KMT5B: variants seen among roughly 807,000 people sequenced by gnomAD.
The protein encoded by KMT5B is histone-lysine N-methyltransferase KMT5B.
A neutral mutation model predicts 83.2 loss-of-function variants in KMT5B; 10 were observed. The observed-to-expected ratio is 0.12, with a 90% CI of 0.07 to 0.20. The LOEUF (loss-of-function observed/expected upper bound fraction) is 0.20. Ranked by LOEUF, KMT5B falls within the 10% of genes least tolerant of loss-of-function variation. KMT5B has a pLI of 1.00. For missense variants in KMT5B, 753 were observed against 1,067.2 expected (o/e 0.71, Z 4.10); for synonymous variants, 349 against 388.8 (o/e 0.90, Z 1.20).
At chr11:68,206,976 C>T (rs1325403625) in intron 1 of KMT5B, among the ~76,000 whole-genome samples, 1 of 152,102 alleles carries the variant, frequency 6.6e-6, no homozygotes, top group Non-Finnish European at 1.5e-5. Flanking sequence ...GGCACAGTGG[C>T]TCACGTCTGT....
Position 68,158,507 on chromosome 11 carries a change from C to A in KMT5B, c.1839G>T (p.Lys613Asn), listed in dbSNP as rs773367069. 3 of 1,613,964 alleles carry A rather than the reference C, an allele frequency of 1.9e-6. No individual in the cohort carries two copies. ...HKSDTGMSKK[K>N]SRQGKLVKQF... ...GTTTCACAAGTTTTCCTTGTCGTGA[C>A]TTCTTTTTGGACATGCCTGTGTCAC... The change falls in exon 11 of 11, where the codon AAG becomes AAT. Residue 613 changes from lysine to asparagine, a missense_variant. By Grantham distance (94) the Lys-to-Asn change is moderately conservative. Coordinates refer to ENST00000304363, the MANE Select transcript of KMT5B (RefSeq NM_017635.5).
chr11:68,165,830 T>G, intron 10 of KMT5B: 1 of 1,610,922 alleles, frequency 6.2e-7, no homozygotes, highest in South Asian at 1.1e-5. Flanking sequence ...GCTACAGCGC[T>G]GCTTTTATGC....
chr11:68,205,054 A>G (rs1394554986), intron 1 of KMT5B, among the ~76,000 whole-genome samples: 1 of 152,198 alleles, frequency 6.6e-6, no homozygotes, highest in African/African-American at 2.4e-5. Flanking sequence ...CCAACATGTC[A>G]CAGGAAAAAA....
At chr11:68,177,114 C>T (rs567552382) in intron 4 of KMT5B, among the ~76,000 whole-genome samples, 1 of 152,120 alleles carries the variant, frequency 6.6e-6, no homozygotes, top group African/African-American at 2.4e-5. Context: ...ATATGAAGTG[C>T]TATGGTGAAA....
chr11:68,209,264 C>T (rs1256394007), intron 1 of KMT5B, among the ~76,000 whole-genome samples: 1 of 152,152 alleles, frequency 6.6e-6, no homozygotes, highest in Non-Finnish European at 1.5e-5. Flanking sequence ...GTTCAACAAA[C>T]TTATGAAGAA....
intron 4 of KMT5B, among the ~76,000 whole-genome samples, chr11:68,177,236 A>G (rs1856472030): frequency 6.6e-6 from 1 of 152,268 alleles, no homozygotes; most frequent in Admixed American, 6.5e-5. Context: ...AATGCATGTT[A>G]ATATGCTAAA....
chr11:68,167,884 A>G (rs900139989), intron 9 of KMT5B, among the ~76,000 whole-genome samples: 1 of 152,252 alleles, frequency 6.6e-6, no homozygotes, highest in South Asian at 2.1e-4. Context: ...AAATTTTACC[A>G]AAGTGGGCCA....
Position 68,155,710 on chromosome 11 carries a change from G to A in KMT5B, c.*1978C>T, listed in dbSNP as rs1177837015. ...CTATGCAGGGACCCCATGAGGGCTG[G>A]ACGTGCTCTGCAAAGTGCTCCGGGT... On this transcript the variant is annotated 3_prime_UTR_variant, in exon 11 of 11. Transcript: ENST00000304363. 6.6e-6 allele frequency: 1 copy of A among 152,242 alleles called. No individual in the cohort carries two copies. Among genetic ancestry groups the A allele is most frequent in the Non-Finnish European group, 1.5e-5 (1 of 68,114 alleles). The allele number at this position is 152,242 out of a possible 1,614,324, so 9.4% of individuals were successfully genotyped here.
chr11:68,202,555 T>TG (rs890101162), intron 1 of KMT5B, among the ~76,000 whole-genome samples: 3 of 150,300 alleles, frequency 2.0e-5, no homozygotes, highest in African/African-American at 7.4e-5. Context: ...ACTTTTTTTT[T>TG]TTTTTTTTTT....
At chr11:68,191,173 TTGTGTGTGTGTG>T (rs71040600) in intron 1 of KMT5B, among the ~76,000 whole-genome samples, 9 of 139,274 alleles carry the variant, frequency 6.5e-5, no homozygotes, top group Admixed American at 1.5e-4. Context: ...TTTTAAAACT[TTGTGTGTGTGTG>T]TGTGTGTGTG....
At chr11:68,189,311 C>T (rs1291099753) in intron 2 of KMT5B, among the ~76,000 whole-genome samples, 1 of 152,236 alleles carries the variant, frequency 6.6e-6, no homozygotes, top group African/African-American at 2.4e-5. Flanking sequence ...ACCAAATCTA[C>T]AACTTCCTGA....
intron 3 of KMT5B, among the ~76,000 whole-genome samples, chr11:68,184,140 GCAGGTGGAT>G (rs1857208724): frequency 6.6e-6 from 1 of 152,224 alleles, no homozygotes; most frequent in Non-Finnish European, 1.5e-5. Context: ...GGAGGCTGAG[GCAGGTGGAT>G]CACCTGAGGT....
At chr11:68,206,992 C>A (rs1860194764) in intron 1 of KMT5B, among the ~76,000 whole-genome samples, 1 of 152,108 alleles carries the variant, frequency 6.6e-6, no homozygotes, top group Admixed American at 6.5e-5. Flanking sequence ...TCTGTAATCC[C>A]AGCACTTTGG....
At chr11:68,194,950 G>A (rs1858531951) in intron 1 of KMT5B, among the ~76,000 whole-genome samples, 1 of 152,190 alleles carries the variant, frequency 6.6e-6, no homozygotes, top group Non-Finnish European at 1.5e-5. Flanking sequence ...CAAGGCAAGA[G>A]GACTGCTTGA....
At chr11:68,188,369 GTC>G (rs1011588000) in intron 2 of KMT5B, among the ~76,000 whole-genome samples, 6 of 150,110 alleles carry the variant, frequency 4.0e-5, no homozygotes, top group Admixed American at 6.6e-5. Flanking sequence ...TTAAACAAGA[GTC>G]TCATTTTTTT....
chr11:68,179,134 C>T lies in KMT5B; in HGVS notation c.377+998G>A, dbSNP rs575418286. On this transcript the variant is annotated intron_variant, in intron 4 of 10. Transcript: ENST00000304363. ...TTGACTTGCGTTTGCCATTGAACAT[C>T]AGCACTGGGCCCAGCCAGAGACAGC... is the stretch of plus-strand genomic sequence containing the variant. Among the ~76,000 whole-genome samples the T allele has an allele frequency of 2.0e-5, 3 of 150,616 alleles. No individual in the cohort carries two copies. The South Asian group carries it at 6.3e-4, about 31-fold the overall frequency.
At chr11:68,183,900 T>G (rs998487722) in intron 3 of KMT5B, among the ~76,000 whole-genome samples, 2 of 151,814 alleles carry the variant, frequency 1.3e-5, no homozygotes, top group Non-Finnish European at 2.9e-5. Context: ...CCTCTGGTGA[T>G]CCACCCAGCT....
chr11:68,208,215 G>A (rs771862023), intron 1 of KMT5B, among the ~76,000 whole-genome samples: 3 of 151,464 alleles, frequency 2.0e-5, no homozygotes, highest in Non-Finnish European at 2.9e-5. Context: ...TTAGGAGGCC[G>A]AGGCGGGAGG....
intron 1 of KMT5B, among the ~76,000 whole-genome samples, chr11:68,196,418 T>C (rs1243847603): frequency 1.3e-5 from 2 of 149,680 alleles, no homozygotes; most frequent in African/African-American, 4.9e-5. Context: ...AATTGAGAGT[T>C]CCTAAGGTTG....
Sources: allele counts gnomAD v4.1 joint callset (sites outside exome capture counted in the v4.1 genomes callset), GRCh38; gene constraint gnomAD v4.1.1; transcripts MANE v1.5; gene names NCBI Gene and HGNC (gene_info 2026-07-23, HGNC 2026-07-21).